GRID1: variants seen among roughly 807,000 people sequenced by gnomAD.
GRID1 encodes the protein glutamate receptor ionotropic, delta-1.
GRID1 carries 28 observed loss-of-function variants against 98.0 expected under a neutral mutation model. The ratio of observed to expected loss-of-function variants is 0.29; its 90% CI spans 0.21 to 0.39. GRID1 has a LOEUF of 0.39. Ranked by LOEUF, GRID1 falls within the 10% of genes least tolerant of loss-of-function variation. The pLI is 1.00. For missense variants in GRID1, 1,111 were observed against 1,340.5 expected, an observed-to-expected ratio of 0.83 and a Z score of 2.67; for synonymous variants, 553 against 538.5, an observed-to-expected ratio of 1.03 and a Z score of -0.37.
chr10:86,351,602 G>A (rs1479047250), intron 2 of GRID1, among the ~76,000 whole-genome samples: 6 of 152,222 alleles, frequency 3.9e-5, no homozygotes, highest in Admixed American at 3.9e-4. Context: ...CCAGCTGCAT[G>A]AGCATTGGCA....
At chr10:86,090,908 C>T (rs140594503) in intron 4 of GRID1, among the ~76,000 whole-genome samples, 22 of 152,248 alleles carry the variant, frequency 1.4e-4, no homozygotes, top group African/African-American at 4.8e-4. Flanking sequence ...GAGAAGTTTC[C>T]GCCTTTACCT....
intron 8 of GRID1, among the ~76,000 whole-genome samples, chr10:85,835,263 T>C (rs2131765655): frequency 6.6e-6 from 1 of 152,294 alleles, no homozygotes; most frequent in South Asian, 2.1e-4. Context: ...CGGCATCTGA[T>C]AGAACCAATA....
rs746049511 is a variant in GRID1, at chr10:85,602,635, G to A, written c.2668C>T (p.His890Tyr). The A allele has an allele frequency of 1.9e-6, 3 of 1,613,942 alleles. No individual in the cohort carries two copies. The highest frequency in any genetic ancestry group is 1.7e-6 in the Non-Finnish European group (2 of 1,179,896). Residue 890 changes from histidine to tyrosine, a missense_variant, in exon 16 of 16, where the codon CAC (histidine) becomes TAC (tyrosine). Around this residue, in one of 3 missense-constraint regions of GRID1, gnomAD observed 762 missense variants for 869.1 expected, o/e 0.88. Transcript: ENST00000327946. ...MNSLMDEDIA[H>Y]KQISPASIEL... Reference sequence around the variant, plus strand: ...ATCGACGCTGGGGAAATCTGCTTGTGAGCAATGTCTTCATCCATGAGGCTG... The same window carrying A: ...ATCGACGCTGGGGAAATCTGCTTGTAAGCAATGTCTTCATCCATGAGGCTG...
chr10:85,902,966 C>T (rs915062894), intron 5 of GRID1, among the ~76,000 whole-genome samples: 6 of 152,152 alleles, frequency 3.9e-5, no homozygotes, highest in Admixed American at 3.3e-4. Context: ...AGTTTCTCCT[C>T]CTTTCTCTGG....
chr10:86,087,366 TGTTGTGA>T (rs1467589898), intron 4 of GRID1, among the ~76,000 whole-genome samples: 12 of 148,942 alleles, frequency 8.1e-5, no homozygotes, highest in African/African-American at 3.1e-4. Flanking sequence ...TGTGTGTGTG[TGTTGTGA>T]GTGTCTGCAT....
chr10:86,335,346 G>GT (rs918995885), intron 2 of GRID1, among the ~76,000 whole-genome samples: 3 of 152,352 alleles, frequency 2.0e-5, no homozygotes, highest in African/African-American at 7.2e-5. Flanking sequence ...TACACAGGAT[G>GT]TTAATAGGTG....
intron 12 of GRID1, among the ~76,000 whole-genome samples, chr10:85,700,583 C>T (rs560332096): frequency 1.3e-5 from 2 of 152,112 alleles, no homozygotes; most frequent in Non-Finnish European, 2.9e-5. Flanking sequence ...AACCTCATGC[C>T]AATGCTGCCT....
chr10:85,712,824 G>T (rs530474575), intron 12 of GRID1, among the ~76,000 whole-genome samples: 5 of 151,520 alleles, frequency 3.3e-5, no homozygotes, highest in African/African-American at 1.2e-4. Flanking sequence ...ACAACAAGTA[G>T]ATCATAGAAA....
intron 12 of GRID1, among the ~76,000 whole-genome samples, chr10:85,710,470 T>C (rs141988538): frequency 5.1e-4 from 78 of 152,076 alleles, no homozygotes; most frequent in African/African-American, 1.8e-3. Flanking sequence ...AAAAATTAAC[T>C]CAAACTGGCT....
chr10:85,737,645 G>GATATATATATATATATAT (rs66947723), intron 8 of GRID1, among the ~76,000 whole-genome samples: 35 of 95,670 alleles, frequency 3.7e-4, no homozygotes, highest in South Asian at 1.5e-3. Flanking sequence ...AGTAAAGCCA[G>GATATATATATATATATAT]ATATATATAT....
At chr10:86,295,474 G>A (rs1477198415) in intron 2 of GRID1, among the ~76,000 whole-genome samples, 4 of 152,116 alleles carry the variant, frequency 2.6e-5, no homozygotes, top group South Asian at 2.1e-4. Flanking sequence ...ATGGAGCATC[G>A]CCATCCACTG....
chr10:85,740,215 C>T (rs189875970), intron 8 of GRID1, among the ~76,000 whole-genome samples: 4 of 152,230 alleles, frequency 2.6e-5, no homozygotes, highest in African/African-American at 9.6e-5. Context: ...CACAGATGAG[C>T]TTGGGGACCT....
At chr10:85,708,703 C>G (rs868708273) in intron 12 of GRID1, 3 of 151,978 alleles carry the variant, frequency 2.0e-5, no homozygotes, top group African/African-American at 7.2e-5. Context: ...GTGCCCAATT[C>G]AGTGTTGTGT....
At chr10:85,724,779 G>T in intron 10 of GRID1, 103 bp from the exon 11 acceptor site, 1 of 860,042 alleles carries the variant, frequency 1.2e-6, no homozygotes, top group Non-Finnish European at 1.8e-6. Context: ...GCTCTGTTCA[G>T]AGGAATGGAT....
At position 85,692,591 on chromosome 10, in the gene GRID1, C is replaced by T. The variant is rs1407600405; in HGVS notation, c.1997+30412G>A. ...CTGAGGTGGGAGAATAACTTGAGCC[C>T]GGGAGGCAGAGGTTGCAGTGAGCCA... On this transcript the variant is annotated intron_variant, in intron 12 of 15. Transcript: ENST00000327946. 4.0e-5 allele frequency among the ~76,000 whole-genome samples: 6 copies of T among 150,040 alleles called. 1 individual carries two copies. Among genetic ancestry groups the T allele is most frequent in the East Asian group, 2.0e-4 (1 of 5,038 alleles).
chr10:86,078,960 A>G (rs902349334), intron 4 of GRID1, among the ~76,000 whole-genome samples: 10 of 152,140 alleles, frequency 6.6e-5, no homozygotes, highest in African/African-American at 2.4e-4. Flanking sequence ...TCCACCCTTA[A>G]GGGGGCTCAA....
intron 2 of GRID1, among the ~76,000 whole-genome samples, chr10:86,250,484 G>A (rs1846803671): frequency 6.6e-6 from 1 of 152,274 alleles, no homozygotes; most frequent in African/African-American, 2.4e-5. Flanking sequence ...GCTTGTGTGA[G>A]TGTGCTGTGT....
chr10:85,878,437 C>A (rs1287881706), intron 5 of GRID1, among the ~76,000 whole-genome samples: 1 of 152,196 alleles, frequency 6.6e-6, no homozygotes, highest in Non-Finnish European at 1.5e-5. Context: ...AGAAACTCTA[C>A]AAGCCAGAAG....
At position 86,366,321 on chromosome 10, in the gene GRID1, G is replaced by A. The variant is rs1330306022; in HGVS notation, c.72C>T (p.Ile24=). 2 of 1,504,086 alleles carry A rather than the reference G, an allele frequency of 1.3e-6. No individual in the cohort carries two copies. Among genetic ancestry groups the A allele is most frequent in the South Asian group, 1.2e-5 (1 of 80,788 alleles). 93.2% of individuals were successfully genotyped at this position (1,504,086 alleles called of 1,614,324 possible). ...GCCTCCAGCCGCGCTTACCGATGTG[G>A]ATGATGGAGTCGGCCCGCACCGACA... ...QCVSVRADSI[I]HIGAIFEENA... is the part of the protein sequence containing the mutation. The change falls in exon 1 of 16, where the codon ATC becomes ATT. Residue 24 remains isoleucine (I), a synonymous_variant. Coordinates refer to ENST00000327946, the MANE Select transcript of GRID1 (RefSeq NM_017551.3). This position sits in a 1 kb window ranked among gnomAD's most constrained non-coding sequence, Gnocchi z 4.1.
Sources: allele counts gnomAD v4.1 joint callset (sites outside exome capture counted in the v4.1 genomes callset), GRCh38; gene constraint gnomAD v4.1.1; regional missense constraint gnomAD v4.1.1; non-coding constraint Gnocchi (gnomAD v3.1); transcripts MANE v1.5; gene names NCBI Gene and HGNC (gene_info 2026-07-23, HGNC 2026-07-21).